The following ADD2 variants were observed in gnomAD, a reference collection of about 807,000 sequenced individuals.
ADD2 encodes the protein beta-adducin.
A neutral mutation model predicts 83.0 loss-of-function variants in ADD2; 23 were observed. The ratio of observed to expected loss-of-function variants is 0.28; its 90% CI spans 0.20 to 0.39. The LOEUF is 0.39. ADD2 is among the 10% of genes least tolerant of loss of function. ADD2 has a pLI of 1.00. For missense variants in ADD2, 758 were observed against 944.9 expected, an observed-to-expected ratio of 0.80 and a Z score of 2.59; for synonymous variants, 375 against 375.4, an observed-to-expected ratio of 1.00 and a Z score of 0.01.
chr2:70,762,873 T>C (rs1310743188), intron 1 of ADD2, among the ~76,000 whole-genome samples: 1 of 151,232 alleles, frequency 6.6e-6, no homozygotes, highest in Non-Finnish European at 1.5e-5. Context: ...ACCCAGCTAA[T>C]TTTTGTATTT....
intron 1 of ADD2, among the ~76,000 whole-genome samples, chr2:70,717,323 G>A (rs3755367): frequency 0.3 from 46,036 of 151,980 alleles, 7,639 homozygotes; most frequent in African/African-American, 0.45. Flanking sequence ...CGTTCCTTGT[G>A]GCTATAAGAG....
chr2:70,725,103 C>A (rs781935104), intron 1 of ADD2, among the ~76,000 whole-genome samples: 1 of 152,190 alleles, frequency 6.6e-6, no homozygotes, highest in Non-Finnish European at 1.5e-5. Context: ...GTTACCGAAC[C>A]ACCCTGTACC....
chr2:70,756,088 GAGAA>G (rs1323196628), intron 1 of ADD2, among the ~76,000 whole-genome samples: 6 of 140,884 alleles, frequency 4.3e-5, no homozygotes, highest in African/African-American at 1.1e-4. Flanking sequence ...AAAAAAAAAA[GAGAA>G]AGAAAGAAAA....
chr2:70,753,872 G>A (rs1444359444), intron 1 of ADD2, among the ~76,000 whole-genome samples: 1 of 152,146 alleles, frequency 6.6e-6, no homozygotes, highest in Non-Finnish European at 1.5e-5. Context: ...AATGCATAGA[G>A]GCATAAATCA....
chr2:70,662,124 C>A lies in ADD2; in HGVS notation c.*1301G>T, dbSNP rs1237606911. On this transcript the variant is annotated 3_prime_UTR_variant, in exon 16 of 16. Coordinates refer to ENST00000264436, the MANE Select transcript of ADD2 (RefSeq NM_001617.4). The stretch of plus-strand genomic sequence containing the variant: ...AAAGGAAAAATATTCTTTCAAGACA[C>A]GGTGCTTTCAAGAGAATGGATTGTC... 6.6e-6 allele frequency: 1 copy of A among 152,194 alleles called. No homozygotes were observed. Among genetic ancestry groups the A allele is most frequent in the Admixed American group, 6.5e-5 (1 of 15,282 alleles). 9.4% of individuals were successfully genotyped at this position (152,194 alleles called of 1,614,324 possible).
intron 3 of ADD2, among the ~76,000 whole-genome samples, chr2:70,705,732 C>T (rs541348113): frequency 6.6e-6 from 1 of 152,340 alleles, no homozygotes; most frequent in South Asian, 2.1e-4. Context: ...CGGCTGAGCC[C>T]TCCACTCTGC....
intron 6 of ADD2, 100 bp downstream of exon 6, chr2:70,695,621 G>A (rs1382646917): frequency 9.3e-7 from 1 of 1,069,978 alleles, no homozygotes; most frequent in Non-Finnish European, 1.4e-6. Context: ...GAGCTCCACA[G>A]CGCAACAGTG....
At chr2:70,759,749 C>G (rs1227288257) in intron 1 of ADD2, among the ~76,000 whole-genome samples, 1 of 152,172 alleles carries the variant, frequency 6.6e-6, no homozygotes, top group Non-Finnish European at 1.5e-5. Flanking sequence ...AGTCTTCCAG[C>G]CAGTAGAATC....
intron 15 of ADD2, among the ~76,000 whole-genome samples, chr2:70,671,938 T>C (rs1201383706): frequency 6.6e-6 from 1 of 152,212 alleles, no homozygotes; most frequent in Non-Finnish European, 1.5e-5. Flanking sequence ...GGAGTGTGCA[T>C]GCCCTGGAGT....
chr2:70,684,170 A>G (rs1418788917), intron 9 of ADD2, among the ~76,000 whole-genome samples: 4 of 152,138 alleles, frequency 2.6e-5, no homozygotes, highest in African/African-American at 9.7e-5. Context: ...GAGGTTATGA[A>G]TATGTTTGAT....
Position 70,696,329 on chromosome 2 carries a change from C to T in ADD2, c.390G>A (p.Glu130=), listed in dbSNP as rs1346600945. 1.9e-6 allele frequency: 3 copies of T among 1,614,028 alleles called. No homozygotes were observed. Among genetic ancestry groups the T allele is most frequent in the Admixed American group, 3.3e-5 (2 of 59,998 alleles). Residue 130 remains glutamate, a synonymous_variant, in exon 5 of 16, where the codon GAG becomes GAA. Coordinates refer to ENST00000264436, the MANE Select transcript of ADD2 (RefSeq NM_001617.4). ...TGCTGATCTTGCACCGCATGAGCCG[C>T]TCCCCTTTGGCCAGGTTCAGGGAGT... ...TADSLNLAKG[E]RLMRCKISSV...
intron 3 of ADD2, among the ~76,000 whole-genome samples, chr2:70,705,280 T>C (rs1440184781): frequency 1.3e-5 from 2 of 152,196 alleles, no homozygotes; most frequent in East Asian, 3.9e-4. Flanking sequence ...GGCACAGATA[T>C]TGGACCTCGG....
intron 1 of ADD2, among the ~76,000 whole-genome samples, chr2:70,746,217 C>G (rs191064786): frequency 2.0e-5 from 3 of 152,204 alleles, no homozygotes; most frequent in Non-Finnish European, 2.9e-5. Flanking sequence ...TTTCTCTGAT[C>G]TCTGGAGCAG....
At chr2:70,672,451 T>C (rs1553367240) in intron 15 of ADD2, among the ~76,000 whole-genome samples, 1 of 152,144 alleles carries the variant, frequency 6.6e-6, no homozygotes, top group Non-Finnish European at 1.5e-5. Context: ...GCGGTTAAGG[T>C]TGAGTATGAC....
intron 2 of ADD2, among the ~76,000 whole-genome samples, chr2:70,708,452 A>G (rs538845388): frequency 6.6e-6 from 1 of 152,318 alleles, no homozygotes; most frequent in Admixed American, 6.5e-5. Context: ...CCTAATCCCT[A>G]GTGAGCAGCC....
chr2:70,746,503 G>A (rs1352304082), intron 1 of ADD2, among the ~76,000 whole-genome samples: 1 of 152,118 alleles, frequency 6.6e-6, no homozygotes, highest in African/African-American at 2.4e-5. Flanking sequence ...ACTGAAGTAG[G>A]TACCACCAAG....
intron 1 of ADD2, among the ~76,000 whole-genome samples, chr2:70,755,422 A>G (rs1332315140): frequency 6.6e-6 from 1 of 152,252 alleles, no homozygotes; most frequent in Non-Finnish European, 1.5e-5. Context: ...CCCTCAGGTT[A>G]AAATGAGTTT....
rs1670145192 is a variant in ADD2 at position 70,676,471 on chromosome 2, T to C, written c.1593+325A>G. The C allele has an allele frequency of 4.6e-6, 6 of 1,299,260 alleles. No individual in the cohort carries two copies. In the East Asian group the frequency reaches 8.9e-5, roughly 19 times the overall value. The allele number at this position is 1,299,260 out of a possible 1,614,324, so 80.5% of individuals were successfully genotyped here. A position where few individuals can be genotyped will look rare whatever the true frequency, so the allele number is the denominator to read the frequency against. On this transcript the variant is annotated intron_variant, in intron 13 of 15. Coordinates refer to ENST00000264436, the MANE Select transcript of ADD2 (RefSeq NM_001617.4). The surrounding 1 kb of genome is among the most constrained non-coding windows in gnomAD (Gnocchi z 4.8). The stretch of plus-strand genomic sequence containing the variant: ...CTGGGAGTCTCCAGCCCCAAGCCTA[T>C]GAGTCCCCACTTCACGGGGTAGTAA...
chr2:70,740,685 T>G (rs1395632998), intron 1 of ADD2, among the ~76,000 whole-genome samples: 2 of 151,822 alleles, frequency 1.3e-5, no homozygotes, highest in African/African-American at 4.8e-5. Context: ...TCTAAGAAAT[T>G]TTTTATTTTT....
Sources: gnomAD v4.1 joint callset for allele counts (sites outside exome capture counted in the v4.1 genomes callset) on GRCh38, gnomAD v4.1.1 for gene constraint, Gnocchi (gnomAD v3.1) non-coding constraint, MANE v1.5 for transcripts, NCBI Gene and HGNC (gene_info 2026-07-23, HGNC 2026-07-21) for gene names.